MSH3: variants seen among roughly 807,000 people sequenced by gnomAD.
MSH3 encodes the protein mutS homolog 3.
Under a neutral mutation model 123.3 loss-of-function variants are expected in MSH3, and 106 were observed. The ratio of observed to expected loss-of-function variants is 0.86; its 90% CI spans 0.73 to 1.01. The LOEUF is 1.01. Ranked by LOEUF, MSH3 falls within the 50% of genes least tolerant of loss-of-function variation. MSH3 has a pLI of 0.00. For synonymous variants in MSH3, 515 were observed against 481.4 expected (o/e 1.07, Z -0.91); for missense variants, 1,459 against 1,347.6 (o/e 1.08, Z -1.29).
intron 8 of MSH3, among the ~76,000 whole-genome samples, chr5:80,708,452 ATATT>A (rs1418127181): frequency 6.7e-6 from 1 of 150,066 alleles, no homozygotes; most frequent in Non-Finnish European, 1.5e-5. Context: ...TTTTTAATTA[ATATT>A]TATTTATTTA....
chr5:80,828,060 A>C (rs1241682214), intron 20 of MSH3, among the ~76,000 whole-genome samples: 1 of 152,132 alleles, frequency 6.6e-6, no homozygotes, highest in Non-Finnish European at 1.5e-5. Context: ...CTACATTGGC[A>C]CATCATTACC....
chr5:80,757,845 C>T (rs1743955827), intron 12 of MSH3, among the ~76,000 whole-genome samples: 1 of 152,136 alleles, frequency 6.6e-6, no homozygotes, highest in Non-Finnish European at 1.5e-5. Context: ...CTTGTTACTA[C>T]TGCACATTAA....
At chr5:80,706,552 T>C (rs551729595) in intron 8 of MSH3, among the ~76,000 whole-genome samples, 2 of 152,330 alleles carry the variant, frequency 1.3e-5, no homozygotes, top group Admixed American at 1.3e-4. Context: ...GAAGCATAAA[T>C]TATTTTTTAA....
intron 19 of MSH3, among the ~76,000 whole-genome samples, chr5:80,808,793 T>C (rs1192249135): frequency 6.7e-6 from 1 of 148,676 alleles, no homozygotes; most frequent in Non-Finnish European, 1.5e-5. Context: ...AAAAATGTTA[T>C]TCCTTTTGAA....
At chr5:80,868,003 A>T (rs910630943) in intron 22 of MSH3, among the ~76,000 whole-genome samples, 1 of 152,138 alleles carries the variant, frequency 6.6e-6, no homozygotes, top group Non-Finnish European at 1.5e-5. Context: ...GCCCGTTCCT[A>T]TGTACAGAAT....
chr5:80,844,385 G>T (rs538425890), intron 20 of MSH3, among the ~76,000 whole-genome samples: 3 of 152,098 alleles, frequency 2.0e-5, no homozygotes, highest in African/African-American at 4.8e-5. Flanking sequence ...GTTGATTTGG[G>T]GTGTGGAGTT....
intron 8 of MSH3, among the ~76,000 whole-genome samples, chr5:80,701,694 T>C (rs1750614037): frequency 6.6e-6 from 1 of 152,204 alleles, no homozygotes; most frequent in Non-Finnish European, 1.5e-5. Context: ...TGGGCTTGCT[T>C]ATCTCCCAGC....
chr5:80,844,966 C>T (rs184498425), intron 20 of MSH3, among the ~76,000 whole-genome samples: 275 of 152,220 alleles, frequency 1.8e-3, no homozygotes, highest in African/African-American at 6.3e-3. Flanking sequence ...GTTATTTTGC[C>T]TGTTAACTGA....
At chr5:80,760,383 A>C (rs1279735860) in intron 12 of MSH3, among the ~76,000 whole-genome samples, 1 of 152,226 alleles carries the variant, frequency 6.6e-6, no homozygotes, top group Admixed American at 6.5e-5. Context: ...CATTTAGTCC[A>C]TCAGATTTCC....
chr5:80,711,222 C>T (rs1358774189), intron 8 of MSH3, among the ~76,000 whole-genome samples: 1 of 152,182 alleles, frequency 6.6e-6, no homozygotes, highest in African/African-American at 2.4e-5. Context: ...GTCTGAGGCC[C>T]CATGGAGTTC....
intron 19 of MSH3, among the ~76,000 whole-genome samples, chr5:80,805,592 CCT>C (rs1561484078): frequency 1.8e-4 from 11 of 59,620 alleles, no homozygotes; most frequent in Non-Finnish European, 2.4e-4. Flanking sequence ...CCCCCCCCTA[CCT>C]TTTTTTTTTT....
At chr5:80,862,194 A>G (rs1746025052) in intron 21 of MSH3, among the ~76,000 whole-genome samples, 1 of 152,132 alleles carries the variant, frequency 6.6e-6, no homozygotes, top group Non-Finnish European at 1.5e-5. Context: ...AAGGAGCACC[A>G]TGGAGATAGG....
At chr5:80,705,971 A>C (rs1273789954) in intron 8 of MSH3, among the ~76,000 whole-genome samples, 1 of 152,144 alleles carries the variant, frequency 6.6e-6, no homozygotes, top group Non-Finnish European at 1.5e-5. Flanking sequence ...AACTCATAAC[A>C]TAGGGCGAGG....
rs1322965420 is a variant in MSH3, at chr5:80,654,954, C to T, written c.227C>T (p.Pro76Leu). ...PPAPAFPPQLPPHIATEIDRR... is the reference protein window; with the variant it reads ...PPAPAFPPQLLPHIATEIDRR... ...GCTCCCGCCTTCCCGCCCCAGCTGC[C>T]GCCGCACATAGTAGGTTCTGTCTGG... Residue 76 changes from proline to leucine, a missense_variant, in exon 1 of 24, where the codon CCG becomes CTG. Transcript: ENST00000265081. The T allele has an allele frequency of 5.4e-6, 8 of 1,479,560 alleles. No individual in the cohort carries two copies. Among genetic ancestry groups the T allele is most frequent in the African/African-American group, 4.4e-5 (3 of 68,592 alleles). 91.7% of individuals were successfully genotyped at this position (1,479,560 alleles called of 1,614,324 possible). A position where few individuals can be genotyped will look rare whatever the true frequency, so the allele number is the denominator to read the frequency against.
intron 2 of MSH3, among the ~76,000 whole-genome samples, chr5:80,662,440 C>T (rs1178146815): frequency 2.0e-5 from 3 of 152,112 alleles, no homozygotes; most frequent in Non-Finnish European, 4.4e-5. Flanking sequence ...ATCTGCCAGA[C>T]ATAAGAGTCC....
intron 17 of MSH3, among the ~76,000 whole-genome samples, chr5:80,786,042 A>T (rs1055819545): frequency 1.3e-5 from 2 of 152,068 alleles, no homozygotes; most frequent in Admixed American, 6.6e-5. Flanking sequence ...ACCTAACGCT[A>T]GATGACGAGT....
intron 8 of MSH3, among the ~76,000 whole-genome samples, chr5:80,691,240 G>A (rs1750237695): frequency 1.3e-5 from 2 of 151,798 alleles, no homozygotes; most frequent in Admixed American, 1.3e-4. Context: ...TAAGAATTCA[G>A]CAATGCCATT....
Position 80,725,646 on chromosome 5 carries a change from G to T in MSH3, c.1453+81G>T, listed in dbSNP as rs1743279039. Reference sequence around the variant, plus strand: ...GTATTAGTATGATTCTCAATTTAATGATGACTAGGTAGTTATTATAAATAT... The same window carrying T: ...GTATTAGTATGATTCTCAATTTAATTATGACTAGGTAGTTATTATAAATAT... On this transcript the variant is annotated intron_variant, in intron 9 of 23. Coordinates refer to ENST00000265081, the MANE Select transcript of MSH3 (RefSeq NM_002439.5). 3.3e-6 allele frequency: 3 copies of T among 911,014 alleles called. No homozygotes were observed. In the Admixed American group the frequency reaches 5.3e-5, roughly 16 times the overall value. The allele number at this position is 911,014 out of a possible 1,614,324, so 56.4% of individuals were successfully genotyped here.
chr5:80,762,433 G>GTA (rs910000929), intron 13 of MSH3, among the ~76,000 whole-genome samples: 5 of 151,320 alleles, frequency 3.3e-5, no homozygotes, highest in Admixed American at 6.6e-5. Context: ...ATATGTGTGT[G>GTA]TATATATATA....
Sources: gnomAD v4.1 joint callset for allele counts (sites outside exome capture counted in the v4.1 genomes callset) on GRCh38, gnomAD v4.1.1 for gene constraint, MANE v1.5 for transcripts, NCBI Gene and HGNC (gene_info 2026-07-23, HGNC 2026-07-21) for gene names.